The following SNX10 variants were observed in gnomAD, a reference collection of about 807,000 sequenced individuals.
The protein encoded by SNX10 is sorting nexin-10.
SNX10 carries 25 observed loss-of-function variants against 28.5 expected under a neutral mutation model. The ratio of observed to expected loss-of-function variants is 0.88; its 90% confidence interval spans 0.64 to 1.22. The LOEUF (loss-of-function observed/expected upper bound fraction) is 1.22, where lower values mean the gene tolerates loss of function less well. Ranked by LOEUF, SNX10 falls within the 50% of genes most tolerant of loss-of-function variation. SNX10 has a pLI of 0.00. For synonymous variants in SNX10, 62 were observed against 81.4 expected (o/e 0.76, Z 1.28); for missense variants, 223 against 242.6 (o/e 0.92, Z 0.54).
intron 1 of SNX10, among the ~76,000 whole-genome samples, chr7:26,338,110 CT>C (rs55920968): frequency 0.013 from 1,710 of 129,248 alleles, 26 homozygotes; most frequent in African/African-American, 0.047. Context: ...TTCCTTTGTC[CT>C]TTTTTTTTTT....
Position 26,364,621 on chromosome 7 carries a change from T to C in SNX10, c.198T>C (p.Ser66=), listed in dbSNP as rs530381220. Residue 66 remains serine, a synonymous_variant, in exon 4 of 7, where the codon AGT becomes AGC. Transcript: ENST00000338523. This position sits in a 1 kb window ranked among gnomAD's most constrained non-coding sequence, Gnocchi z 4.9. ...EFVWLRQRLQ[S]NALLVQLPEL... ...TGTGGCTGAGGCAGAGACTCCAAAG[T>C]AATGCGTTGCTGGTGTAAGTGATTT... is the stretch of plus-strand genomic sequence containing the variant. 33 of 1,612,374 alleles carry C rather than the reference T, an allele frequency of 2.0e-5. No homozygotes were observed. In the East Asian group the frequency reaches 6.7e-4, roughly 33 times the overall value.
chr7:26,324,197 T>C (rs1465270353), intron 1 of SNX10, among the ~76,000 whole-genome samples: 1 of 152,118 alleles, frequency 6.6e-6, no homozygotes, highest in East Asian at 1.9e-4. Context: ...TTTGTTGTAA[T>C]GAGATTGAAG....
At position 26,372,914 on chromosome 7, in the gene SNX10, A is replaced by G. The variant is rs901934023; in HGVS notation, c.*342A>G. On this transcript the variant is annotated 3_prime_UTR_variant, in exon 7 of 7. Coordinates refer to ENST00000338523, the MANE Select transcript of SNX10 (RefSeq NM_013322.3). ...GATAGGTAACTAAGTAGCATTTAAAATCAAGATAGAGCATTCCTTCTTGTA... is the reference window on the plus strand; with the variant it reads ...GATAGGTAACTAAGTAGCATTTAAAGTCAAGATAGAGCATTCCTTCTTGTA... 1.3e-5 allele frequency: 3 copies of G among 224,126 alleles called. No homozygotes were observed. The Admixed American group carries it at 1.6e-4, about 12-fold the overall frequency. The allele number at this position is 224,126 out of a possible 1,614,324, so 13.9% of individuals were successfully genotyped here. A position where few individuals can be genotyped will look rare whatever the true frequency, so the allele number is the denominator to read the frequency against.
intron 1 of SNX10, among the ~76,000 whole-genome samples, chr7:26,295,909 G>A (rs997048903): frequency 6.6e-5 from 10 of 152,254 alleles, no homozygotes; most frequent in African/African-American, 2.2e-4. Context: ...GGCACAGGCA[G>A]CCATTCAGAC....
At chr7:26,299,651 C>T (rs965094980) in intron 1 of SNX10, among the ~76,000 whole-genome samples, 5 of 151,148 alleles carry the variant, frequency 3.3e-5, no homozygotes, top group East Asian at 2.0e-4. Context: ...GTCTCGAACT[C>T]GTGACCTCGT....
At chr7:26,360,781 G>A in intron 2 of SNX10, 194 bp from the exon 3 acceptor site, 1 of 981,172 alleles carries the variant, frequency 1.0e-6, no homozygotes, top group Non-Finnish European at 1.2e-6. Context: ...ATTCCATTAT[G>A]TGGCAAAAGT....
intron 3 of SNX10, among the ~76,000 whole-genome samples, chr7:26,362,105 T>C (rs1039406794): frequency 6.6e-6 from 1 of 152,226 alleles, no homozygotes; most frequent in Admixed American, 6.5e-5. Context: ...CTTTTTTCTT[T>C]GAAGTTTCCC....
chr7:26,338,090 C>T (rs1039737979), intron 1 of SNX10, among the ~76,000 whole-genome samples: 1 of 148,862 alleles, frequency 6.7e-6, no homozygotes, highest in Non-Finnish European at 1.5e-5. Flanking sequence ...TTTGGAGAAA[C>T]GTCTATCAAT....
Position 26,353,460 on chromosome 7 carries a change from T to TGGGG in SNX10, c.24+6996_24+6997insGGGG, listed in dbSNP as rs371699790. Among the ~76,000 whole-genome samples the TGGGG allele has an allele frequency of 1.9e-3, 160 of 83,418 alleles. 2 individuals carry two copies. In the East Asian group the frequency reaches 0.023, roughly 12 times the overall value. The allele number at this position is 83,418 out of a possible 152,430, so 54.7% of individuals were successfully genotyped here. A position where few individuals can be genotyped will look rare whatever the true frequency, so the allele number is the denominator to read the frequency against. ...TGCTTTTTTTTTTTTTTTTTTTTTT[T>TGGGG]GGTGGGGAGACAGAGTCTTGGTCTG... On this transcript the variant is annotated intron_variant, in intron 2 of 6. Transcript: ENST00000338523.
At chr7:26,329,181 C>T (rs975993496) in intron 1 of SNX10, among the ~76,000 whole-genome samples, 9 of 152,218 alleles carry the variant, frequency 5.9e-5, no homozygotes, top group South Asian at 2.1e-4. Flanking sequence ...CGGTGTGACC[C>T]GGCCCACATC....
chr7:26,322,870 CCCT>C (rs1284734706), intron 1 of SNX10, among the ~76,000 whole-genome samples: 2 of 152,088 alleles, frequency 1.3e-5, no homozygotes, highest in African/African-American at 2.4e-5. Context: ...AATGTCTCTA[CCCT>C]CTTGGAGCTC....
intron 2 of SNX10, among the ~76,000 whole-genome samples, chr7:26,352,611 T>C (rs1788651444): frequency 6.6e-6 from 1 of 152,256 alleles, no homozygotes; most frequent in Admixed American, 6.5e-5. Context: ...CTAGATATTA[T>C]ATAATTTCAT....
chr7:26,335,732 A>ATTTTTTTTTTT (rs1554355773), intron 1 of SNX10, among the ~76,000 whole-genome samples: 1 of 112,444 alleles, frequency 8.9e-6, no homozygotes, highest in Non-Finnish European at 1.9e-5. Flanking sequence ...CAGATGGAAT[A>ATTTTTTTTTTT]TTCTTTTTTT....
intron 1 of SNX10, among the ~76,000 whole-genome samples, chr7:26,341,275 G>A (rs1486134988): frequency 1.3e-5 from 2 of 151,978 alleles, no homozygotes; most frequent in Non-Finnish European, 2.9e-5. Flanking sequence ...TTCTAGCCTG[G>A]GTGACAGTGA....
intron 2 of SNX10, among the ~76,000 whole-genome samples, chr7:26,352,156 A>G (rs1010879438): frequency 3.9e-5 from 6 of 152,250 alleles, no homozygotes; most frequent in South Asian, 4.1e-4. Flanking sequence ...TTTAAAACAA[A>G]TATCATTGAC....
intron 3 of SNX10, 22 bp downstream of exon 3, chr7:26,361,083 A>G (rs768710984): frequency 1.3e-6 from 2 of 1,568,288 alleles, no homozygotes; most frequent in Non-Finnish European, 1.7e-6. Context: ...GTCAGTAGAA[A>G]TAGTAATTTT....
chr7:26,292,223 G>C (rs1785952558), intron 1 of SNX10, 137 bp downstream of exon 1: 1 of 152,258 alleles, frequency 6.6e-6, no homozygotes, highest in Non-Finnish European at 1.5e-5. Context: ...AGAGGTTTGG[G>C]TCCCTTGGGC....
Position 26,364,476 on chromosome 7 carries a change from A to G in SNX10, c.112-59A>G. On this transcript the variant is annotated intron_variant, in intron 3 of 6. Coordinates refer to ENST00000338523, the MANE Select transcript of SNX10 (RefSeq NM_013322.3). The surrounding 1 kb of genome is among the most constrained non-coding windows in gnomAD (Gnocchi z 4.9). The stretch of plus-strand genomic sequence containing the variant: ...GTTGAGATCATATTGTGAATTATAG[A>G]TACAAGAAATGCATTTTTTTCCTCA... 1 of 1,543,196 alleles carries G rather than the reference A, an allele frequency of 6.5e-7. No homozygotes were observed. The highest frequency in any genetic ancestry group is 2.3e-5 in the East Asian group (1 of 44,092).
At chr7:26,306,088 G>T (rs1314847392) in intron 1 of SNX10, among the ~76,000 whole-genome samples, 1 of 149,628 alleles carries the variant, frequency 6.7e-6, no homozygotes, top group Non-Finnish European at 1.5e-5. Flanking sequence ...TTTTTTTGTA[G>T]AGACGGGTTT....
Sources: gnomAD v4.1 joint callset for allele counts (sites outside exome capture counted in the v4.1 genomes callset) on GRCh38, gnomAD v4.1.1 for gene constraint, Gnocchi (gnomAD v3.1) non-coding constraint, MANE v1.5 for transcripts, NCBI Gene and HGNC (gene_info 2026-07-23, HGNC 2026-07-21) for gene names.